GPALPP1: variants seen among roughly 807,000 people sequenced by gnomAD.
GPALPP1 encodes GPALPP motifs-containing protein 1.
Under a neutral mutation model 38.9 loss-of-function variants are expected in GPALPP1, and 30 were observed. The observed-to-expected ratio is 0.77, with a 90% CI of 0.58 to 1.05. The LOEUF is 1.05. Ranked by LOEUF, GPALPP1 falls within the 50% of genes least tolerant of loss-of-function variation. The pLI is 0.00. For missense variants in GPALPP1, 384 were observed against 408.8 expected (o/e 0.94, Z 0.52); for synonymous variants, 120 against 139.2 (o/e 0.86, Z 0.97).
chr13:45,022,168 T>C (rs1875476105), intron 7 of GPALPP1, among the ~76,000 whole-genome samples: 1 of 152,184 alleles, frequency 6.6e-6, no homozygotes, highest in Non-Finnish European at 1.5e-5. Flanking sequence ...TCAAAAGTCA[T>C]ACTGAGTGAA....
intron 6 of GPALPP1, among the ~76,000 whole-genome samples, chr13:45,018,011 C>T (rs962637405): frequency 6.6e-6 from 1 of 152,112 alleles, no homozygotes; most frequent in African/African-American, 2.4e-5. Context: ...GATAGGTTCC[C>T]TCCATTCCAT....
At chr13:45,009,774 T>A (rs565603921) in intron 4 of GPALPP1, among the ~76,000 whole-genome samples, 3 of 152,346 alleles carry the variant, frequency 2.0e-5, no homozygotes, top group Admixed American at 2.0e-4. Context: ...CAACAAATGC[T>A]CATAGAACAC....
At chr13:45,036,881 C>CA (rs1445891072) in exon 8 of GPALPP1, 19 of 152,132 alleles carry the variant, frequency 1.2e-4, no homozygotes, top group African/African-American at 4.1e-4. Flanking sequence ...CACTTGAGCC[C>CA]AAGAGTTCAA....
intron 6 of GPALPP1, among the ~76,000 whole-genome samples, chr13:45,017,039 C>T (rs1444309055): frequency 6.6e-6 from 1 of 152,204 alleles, no homozygotes; most frequent in Non-Finnish European, 1.5e-5. Context: ...AAAGCAGTTC[C>T]ACACTTAGTT....
chr13:44,998,616 G>C (rs369005302), intron 1 of GPALPP1, among the ~76,000 whole-genome samples: 1 of 151,992 alleles, frequency 6.6e-6, no homozygotes, highest in Non-Finnish European at 1.5e-5. Context: ...ACTACTCTTC[G>C]TCCAGTCCCC....
At chr13:44,994,607 G>A (rs1007447284) in intron 1 of GPALPP1, among the ~76,000 whole-genome samples, 18 of 152,010 alleles carry the variant, frequency 1.2e-4, no homozygotes, top group African/African-American at 4.4e-4. Flanking sequence ...CCTTAGTTTC[G>A]TTCGTTTTGC....
At chr13:45,024,160 T>TGTGTGTGTGC (rs1875618865) in intron 7 of GPALPP1, among the ~76,000 whole-genome samples, 4 of 13,310 alleles carry the variant, frequency 3.0e-4, no homozygotes, top group African/African-American at 6.5e-4. Flanking sequence ...TGTGTGTGTG[T>TGTGTGTGTGC]GTGTGTGTGT....
chr13:45,008,943 G>T (rs1193508107), intron 4 of GPALPP1, 64 bp downstream of exon 4: 1 of 949,998 alleles, frequency 1.1e-6, no homozygotes, highest in South Asian at 1.3e-5. Context: ...AAGATGTATT[G>T]TAACAAACTC....
chr13:44,993,851 G>A (rs1484858281), intron 1 of GPALPP1, among the ~76,000 whole-genome samples: 1 of 150,370 alleles, frequency 6.7e-6, no homozygotes, highest in Non-Finnish European at 1.5e-5. Context: ...TAATGAGTGT[G>A]AAGTGGTATC....
chr13:45,008,953 C>A, intron 4 of GPALPP1, 74 bp downstream of exon 4: 1 of 870,804 alleles, frequency 1.1e-6, no homozygotes, highest in Non-Finnish European at 1.9e-6. Flanking sequence ...GTAACAAACT[C>A]CAAACTTTAT....
intron 1 of GPALPP1, among the ~76,000 whole-genome samples, chr13:44,999,157 T>C (rs1345067678): frequency 6.6e-6 from 1 of 152,200 alleles, no homozygotes; most frequent in Non-Finnish European, 1.5e-5. Context: ...GGGAGTAACA[T>C]TTCATTTCAT....
intron 7 of GPALPP1, among the ~76,000 whole-genome samples, chr13:45,027,390 T>C (rs751156294): frequency 5.3e-4 from 80 of 152,216 alleles, no homozygotes; most frequent in Non-Finnish European, 9.7e-4. Context: ...TGCCAACATA[T>C]GCTGCACAGG....
rs1483665338 is a variant in GPALPP1 at position 45,029,933 on chromosome 13, T to C, written c.*1930T>C. The C allele has an allele frequency of 6.6e-6, 1 of 152,236 alleles. No homozygotes were observed. The highest frequency in any genetic ancestry group is 1.5e-5 in the Non-Finnish European group (1 of 68,030). 9.4% of individuals were successfully genotyped at this position (152,236 alleles called of 1,614,324 possible). ...TAAGATATGCCATTAACTGTTAGCATTGTGAAATCTGTAAGACTCAATCTC... is the reference window on the plus strand; with the variant it reads ...TAAGATATGCCATTAACTGTTAGCACTGTGAAATCTGTAAGACTCAATCTC... On this transcript the variant is annotated 3_prime_UTR_variant, in exon 8 of 8. Coordinates refer to ENST00000379151, the MANE Select transcript of GPALPP1 (RefSeq NM_018559.5).
In GPALPP1 at chr13:45,029,791, T is replaced by C. The variant is rs1222362688; in HGVS notation, c.*1788T>C. On this transcript the variant is annotated 3_prime_UTR_variant, in exon 8 of 8. Transcript: ENST00000379151. ...CACTCAGGGCTTTTTATTTGTTATT[T>C]AATTTTTTAATTGTTTTTAAGTCAG... 6.6e-6 allele frequency: 1 copy of C among 152,208 alleles called. No individual in the cohort carries two copies. Among genetic ancestry groups the C allele is most frequent in the Non-Finnish European group, 1.5e-5 (1 of 68,034 alleles). 9.4% of individuals were successfully genotyped at this position (152,208 alleles called of 1,614,324 possible).
chr13:45,013,366 A>G (rs893415519), intron 4 of GPALPP1, among the ~76,000 whole-genome samples: 3 of 152,202 alleles, frequency 2.0e-5, no homozygotes, highest in Non-Finnish European at 4.4e-5. Flanking sequence ...CAGAAGAGGA[A>G]TGGTCCTTTC....
intron 6 of GPALPP1, among the ~76,000 whole-genome samples, chr13:45,018,691 A>G (rs1199307278): frequency 6.6e-6 from 1 of 151,916 alleles, no homozygotes. Context: ...TAAAAACAAT[A>G]TAAGAATATG....
At chr13:45,033,499 A>G (rs1297247397), downstream of GPALPP1, 1 of 152,214 alleles carries the variant, frequency 6.6e-6, no homozygotes, top group African/African-American at 2.4e-5. Context: ...AAAGCTGTTC[A>G]CTGCCCCTTT....
intron 4 of GPALPP1, among the ~76,000 whole-genome samples, chr13:45,011,225 G>A (rs1374860846): frequency 6.6e-6 from 1 of 152,106 alleles, no homozygotes; most frequent in African/African-American, 2.4e-5. Context: ...GAGGAAAGTA[G>A]GTAAGAGCTG....
At chr13:45,008,533 A>G (rs1178347901) in intron 3 of GPALPP1, among the ~76,000 whole-genome samples, 2 of 152,198 alleles carry the variant, frequency 1.3e-5, no homozygotes, top group African/African-American at 4.8e-5. Flanking sequence ...AAGTGTGCAT[A>G]TGCCAGTGTC....
Sources: gnomAD v4.1 joint callset for allele counts (sites outside exome capture counted in the v4.1 genomes callset) on GRCh38, gnomAD v4.1.1 for gene constraint, MANE v1.5 for transcripts, NCBI Gene and HGNC (gene_info 2026-07-23, HGNC 2026-07-21) for gene names.